Variants in DAPK1 observed in about 807,000 individuals in gnomAD.
DAPK1 encodes the protein death-associated protein kinase 1.
DAPK1 carries 56 observed loss-of-function variants against 144.9 expected under a neutral mutation model. That is an observed-to-expected ratio of 0.39 (90% CI 0.31 to 0.48). DAPK1 has a LOEUF of 0.48. Ranked by LOEUF, DAPK1 falls within the 20% of genes least tolerant of loss-of-function variation. The probability of loss-of-function intolerance (pLI) is 0.95; values close to 1 mark genes in which losing one functional copy is unlikely to be tolerated. For missense variants in DAPK1, 1,454 were observed against 1,875.4 expected (o/e 0.78, Z 4.15); for synonymous variants, 690 against 749.0 (o/e 0.92, Z 1.29).
intron 24 of DAPK1, among the ~76,000 whole-genome samples, chr9:87,702,142 A>G (rs576930776): frequency 6.6e-6 from 1 of 152,230 alleles, no homozygotes; most frequent in African/African-American, 2.4e-5. Context: ...GGAGCCCACC[A>G]CATCAACTGC....
intron 18 of DAPK1, among the ~76,000 whole-genome samples, chr9:87,661,270 C>T (rs1303034537): frequency 6.6e-6 from 1 of 152,240 alleles, no homozygotes; most frequent in Non-Finnish European, 1.5e-5. Flanking sequence ...CTGCAGTGAA[C>T]ATACAAGTGC....
At position 87,640,422 on chromosome 9, in the gene DAPK1, A is replaced by G. The variant is rs1392212787; in HGVS notation, c.754A>G (p.Ile252Val). 5 of 1,613,862 alleles carry G rather than the reference A, an allele frequency of 3.1e-6. No individual in the cohort carries two copies. The highest frequency in any genetic ancestry group is 1.3e-5 in the African/African-American group (1 of 74,950). ...TACCAGTGCCCTAGCCAAAGATTTC[A>G]TAAGAAGACTTCTGGTCAAGGATCC... is the stretch of plus-strand genomic sequence containing the variant. ...SNTSALAKDF[I>V]RRLLVKDPKK... The change falls in exon 8 of 26, where the codon ATA becomes GTA. Residue 252 changes from isoleucine to valine, a missense_variant. Around this residue, in one of 2 missense-constraint regions of DAPK1, gnomAD observed 429 missense variants for 637.5 expected, o/e 0.67. Coordinates refer to ENST00000408954, the MANE Select transcript of DAPK1 (RefSeq NM_004938.4).
chr9:87,501,374 T>G (rs999162436), intron 2 of DAPK1, among the ~76,000 whole-genome samples: 1 of 152,126 alleles, frequency 6.6e-6, no homozygotes, highest in East Asian at 1.9e-4. Flanking sequence ...CAAAAAAAAT[T>G]ATCTAAGATT....
intron 3 of DAPK1, among the ~76,000 whole-genome samples, chr9:87,619,715 G>A (rs1476575200): frequency 6.6e-6 from 1 of 152,184 alleles, no homozygotes. Flanking sequence ...AAGGACAGTC[G>A]ATGGGACTCC....
At chr9:87,664,060 C>T (rs572706145) in intron 18 of DAPK1, among the ~76,000 whole-genome samples, 187 of 152,150 alleles carry the variant, frequency 1.2e-3, no homozygotes, top group Middle Eastern at 6.8e-3. Context: ...TAGCCTCCTG[C>T]CCCTTGGGAC....
At position 87,523,474 on chromosome 9, in the gene DAPK1, A is replaced by T. The variant is rs546680991; in HGVS notation, c.62+24335A>T. Among the ~76,000 whole-genome samples, 4 of 152,270 alleles carry T rather than the reference A, an allele frequency of 2.6e-5. No individual in the cohort carries two copies. In the East Asian group the frequency reaches 5.8e-4, roughly 22 times the overall value. ...ACAACACCCAACTGATTTTTTAAAA[A>T]TTTATTGTAGAGAAGAGGTTTTGCC... On this transcript the variant is annotated intron_variant, in intron 2 of 25. Coordinates refer to ENST00000408954, the MANE Select transcript of DAPK1 (RefSeq NM_004938.4).
chr9:87,707,513 C>G lies in DAPK1; in HGVS notation c.*149C>G, dbSNP rs1478398131. On this transcript the variant is annotated 3_prime_UTR_variant, in exon 26 of 26. Coordinates refer to ENST00000408954, the MANE Select transcript of DAPK1 (RefSeq NM_004938.4). This position sits in a 1 kb window ranked among gnomAD's most constrained non-coding sequence, Gnocchi z 4.0. ...CTCCTCCCTCCGGCTTGACCTGTTT[C>G]TCTGCCGCTACCTCCCTCCCCGTCT... 9.8e-6 allele frequency: 6 copies of G among 610,212 alleles called. No homozygotes were observed. Among genetic ancestry groups the G allele is most frequent in the Non-Finnish European group, 1.4e-5 (5 of 345,902 alleles). The allele number at this position is 610,212 out of a possible 1,614,324, so 37.8% of individuals were successfully genotyped here. A position where few individuals can be genotyped will look rare whatever the true frequency, so the allele number is the denominator to read the frequency against.
At chr9:87,661,126 C>CTG (rs1830831368) in intron 18 of DAPK1, among the ~76,000 whole-genome samples, 1 of 152,234 alleles carries the variant, frequency 6.6e-6, no homozygotes. Flanking sequence ...GCGTGAGCCA[C>CTG]CACGCCCAGG....
At chr9:87,624,138 C>G (rs1339725872) in intron 3 of DAPK1, among the ~76,000 whole-genome samples, 1 of 152,210 alleles carries the variant, frequency 6.6e-6, no homozygotes, top group African/African-American at 2.4e-5. Context: ...GCAGGGACAC[C>G]TTTTCCCTAC....
At chr9:87,585,344 T>G (rs1827910344) in intron 2 of DAPK1, among the ~76,000 whole-genome samples, 1 of 152,334 alleles carries the variant, frequency 6.6e-6, no homozygotes, top group Non-Finnish European at 1.5e-5. Context: ...AGGAATTCGC[T>G]AAACAGGGCT....
At chr9:87,653,742 G>A (rs1484596809) in intron 17 of DAPK1, among the ~76,000 whole-genome samples, 1 of 151,676 alleles carries the variant, frequency 6.6e-6, no homozygotes, top group Non-Finnish European at 1.5e-5. Context: ...CACCTGGGCT[G>A]GAGTGCAGTG....
chr9:87,694,707 C>T (rs1160046701), intron 21 of DAPK1, among the ~76,000 whole-genome samples: 1 of 152,180 alleles, frequency 6.6e-6, no homozygotes, highest in African/African-American at 2.4e-5. Flanking sequence ...TGGGTTATGC[C>T]TAGACCTTGG....
At chr9:87,674,979 C>T (rs900588637) in intron 19 of DAPK1, among the ~76,000 whole-genome samples, 1 of 152,186 alleles carries the variant, frequency 6.6e-6, no homozygotes, top group Non-Finnish European at 1.5e-5. Context: ...AAGAGCTGTT[C>T]TAGGCACTGC....
chr9:87,612,778 A>T (rs563439906), intron 3 of DAPK1, among the ~76,000 whole-genome samples: 1 of 152,218 alleles, frequency 6.6e-6, no homozygotes, highest in Non-Finnish European at 1.5e-5. Flanking sequence ...GCCTGAGCAG[A>T]GAAGGATTGG....
At chr9:87,602,048 G>T (rs1660255467) in intron 2 of DAPK1, among the ~76,000 whole-genome samples, 1 of 152,152 alleles carries the variant, frequency 6.6e-6, no homozygotes, top group Non-Finnish European at 1.5e-5. Flanking sequence ...GCAAGAATGG[G>T]CAGAAAACAG....
At chr9:87,512,197 A>G (rs1824873819) in intron 2 of DAPK1, among the ~76,000 whole-genome samples, 3 of 152,338 alleles carry the variant, frequency 2.0e-5, no homozygotes, top group South Asian at 4.1e-4. Context: ...AGCTGGGACT[A>G]TAGGCATGTG....
intron 2 of DAPK1, among the ~76,000 whole-genome samples, chr9:87,510,044 G>A (rs909037894): frequency 2.6e-5 from 4 of 152,184 alleles, no homozygotes; most frequent in Admixed American, 6.5e-5. Flanking sequence ...AGGCTCCATC[G>A]TATATTCCAT....
At chr9:87,550,866 C>G (rs1396655223) in intron 2 of DAPK1, among the ~76,000 whole-genome samples, 3 of 152,192 alleles carry the variant, frequency 2.0e-5, no homozygotes, top group Admixed American at 2.0e-4. Context: ...TTTTGGCTGT[C>G]GTGAATAAAG....
chr9:87,612,924 A>G (rs913460064), intron 3 of DAPK1, among the ~76,000 whole-genome samples: 1 of 152,210 alleles, frequency 6.6e-6, no homozygotes, highest in Non-Finnish European at 1.5e-5. Flanking sequence ...AGAATTATAA[A>G]GTAAAAGTGC....
Sources: allele counts gnomAD v4.1 joint callset (sites outside exome capture counted in the v4.1 genomes callset), GRCh38; gene constraint gnomAD v4.1.1; regional missense constraint gnomAD v4.1.1; non-coding constraint Gnocchi (gnomAD v3.1); transcripts MANE v1.5; gene names NCBI Gene and HGNC (gene_info 2026-07-23, HGNC 2026-07-21).